ARHGEF3: variants seen among roughly 807,000 people sequenced by gnomAD.
ARHGEF3 encodes Rho guanine nucleotide exchange factor 3, also known as 59.8 kDA protein.
In ARHGEF3, 28 loss-of-function variants were observed where a neutral mutation model predicts 63.2. That is an observed-to-expected ratio of 0.44 (90% CI 0.33 to 0.61). The LOEUF is 0.61. Among genes scored for constraint, ARHGEF3 ranks in the 20% least tolerant of loss-of-function variants. ARHGEF3 has a pLI of 0.03. For synonymous variants in ARHGEF3, 266 were observed against 254.2 expected (o/e 1.05, Z -0.44); for missense variants, 533 against 659.3 (o/e 0.81, Z 2.10).
At chr3:56,903,185 G>A (rs1021796749) in intron 3 of ARHGEF3, among the ~76,000 whole-genome samples, 3 of 152,140 alleles carry the variant, frequency 2.0e-5, no homozygotes, top group Admixed American at 1.3e-4. Context: ...GGTACAGAAT[G>A]GAGGTAGGGG....
At chr3:56,921,382 A>G (rs771031846) in intron 3 of ARHGEF3, among the ~76,000 whole-genome samples, 1 of 152,212 alleles carries the variant, frequency 6.6e-6, no homozygotes, top group Non-Finnish European at 1.5e-5. Flanking sequence ...AGGTAAGACT[A>G]AGGAAAAACA....
chr3:56,882,442 A>G (rs1422410778), intron 3 of ARHGEF3: 6 of 1,042,224 alleles, frequency 5.8e-6, no homozygotes, highest in Non-Finnish European at 7.3e-6. Flanking sequence ...CAAATAGCAC[A>G]TGCAATCCTT....
intron 2 of ARHGEF3, among the ~76,000 whole-genome samples, chr3:56,983,769 C>T (rs904265106): frequency 6.6e-6 from 1 of 152,068 alleles, no homozygotes; most frequent in Non-Finnish European, 1.5e-5. Context: ...AACCCTGTCT[C>T]TACTAAAAAT....
intron 1 of ARHGEF3, chr3:57,073,952 A>G: frequency 6.2e-7 from 1 of 1,614,204 alleles, no homozygotes; most frequent in South Asian, 1.1e-5. Context: ...AGAGATATTT[A>G]CAAGCAGCCA....
chr3:56,793,472 T>C (rs1306740833), intron 1 of ARHGEF3, among the ~76,000 whole-genome samples: 1 of 152,138 alleles, frequency 6.6e-6, no homozygotes, highest in Non-Finnish European at 1.5e-5. Context: ...CCCAGCAATT[T>C]TTGTATTTTT....
At chr3:57,079,044 G>A (rs1325756206) in intron 1 of ARHGEF3, 3 of 340,890 alleles carry the variant, frequency 8.8e-6, no homozygotes, top group African/African-American at 6.5e-5. Context: ...GGGACGCCGA[G>A]ACCTAGCAGG....
chr3:57,036,877 C>A (rs1421989351), intron 1 of ARHGEF3, among the ~76,000 whole-genome samples: 2 of 152,190 alleles, frequency 1.3e-5, no homozygotes, highest in Non-Finnish European at 2.9e-5. Flanking sequence ...CAGCCTCCTC[C>A]ATCTGCCCTA....
At chr3:56,778,709 A>G (rs1416632047) in intron 1 of ARHGEF3, among the ~76,000 whole-genome samples, 1 of 151,908 alleles carries the variant, frequency 6.6e-6, no homozygotes, top group Non-Finnish European at 1.5e-5. Flanking sequence ...AAATTTTAAA[A>G]ATTTTTTTAG....
At chr3:56,915,073 A>C (rs1909834) in intron 3 of ARHGEF3, among the ~76,000 whole-genome samples, 43,211 of 152,026 alleles carry the variant, frequency 0.28, 6,834 homozygotes, top group Non-Finnish European at 0.36. Context: ...CATACACAAG[A>C]GCTGGAATTA....
chr3:57,063,838 G>T (rs1040818912), intron 1 of ARHGEF3, among the ~76,000 whole-genome samples: 3 of 152,150 alleles, frequency 2.0e-5, no homozygotes, highest in Non-Finnish European at 4.4e-5. Context: ...GAAATGAGGG[G>T]CTCAAAAGAG....
chr3:56,748,177 G>C (rs1278485626), intron 6 of ARHGEF3, among the ~76,000 whole-genome samples: 1 of 152,164 alleles, frequency 6.6e-6, no homozygotes, highest in African/African-American at 2.4e-5. Context: ...TAGGGCTACA[G>C]GCATGCACCA....
chr3:56,732,174 C>T (rs755598597), intron 9 of ARHGEF3, 64 bp downstream of exon 9: 1 of 1,584,772 alleles, frequency 6.3e-7, no homozygotes, highest in Non-Finnish European at 8.6e-7. Context: ...CACCAGCTGC[C>T]CACTCCCTCC....
chr3:56,921,012 AC>A (rs778571039), intron 3 of ARHGEF3, among the ~76,000 whole-genome samples: 13 of 130,572 alleles, frequency 1.0e-4, no homozygotes, highest in Non-Finnish European at 2.0e-4. Context: ...CCGAGATTGC[AC>A]CACTGCACTC....
At chr3:57,060,131 A>C (rs1344578522) in intron 1 of ARHGEF3, among the ~76,000 whole-genome samples, 1 of 152,096 alleles carries the variant, frequency 6.6e-6, no homozygotes, top group African/African-American at 2.4e-5. Flanking sequence ...AGCTGACTGG[A>C]CAACATAGCG....
rs369844399 is a variant in ARHGEF3 at position 56,955,498 on chromosome 3, C to T, written c.129+3325G>A. 1.6e-3 allele frequency among the ~76,000 whole-genome samples: 247 copies of T among 152,294 alleles called. 1 individual carries two copies. The highest frequency in any genetic ancestry group is 6.8e-3 in the Middle Eastern group (2 of 294). On this transcript the variant is annotated intron_variant, in intron 3 of 12. Coordinates refer to the ARHGEF3 transcript ENST00000338458. ...GATTACAGGCATGAGCCACTGCGCC[C>T]GGCCTGGATCCCTTTTCTTTGCAAG...
At chr3:56,820,611 T>C (rs1432886005) in intron 4 of ARHGEF3, among the ~76,000 whole-genome samples, 1 of 152,106 alleles carries the variant, frequency 6.6e-6, no homozygotes, top group African/African-American at 2.4e-5. Flanking sequence ...GAGACCAGCC[T>C]GGGCAACATA....
chr3:56,766,456 C>A (rs2035707827), intron 2 of ARHGEF3, among the ~76,000 whole-genome samples: 1 of 152,158 alleles, frequency 6.6e-6, no homozygotes, highest in Admixed American at 6.5e-5. Context: ...TGGGCAGGGC[C>A]CCATCACTGG....
intron 3 of ARHGEF3, among the ~76,000 whole-genome samples, chr3:56,935,200 G>A (rs534576807): frequency 9.8e-5 from 15 of 152,308 alleles, no homozygotes; most frequent in African/African-American, 3.6e-4. Context: ...TCGACACTCT[G>A]TATCTAGCTA....
intron 2 of ARHGEF3, among the ~76,000 whole-genome samples, chr3:57,009,307 C>G (rs1470615140): frequency 6.6e-6 from 1 of 152,192 alleles, no homozygotes; most frequent in Non-Finnish European, 1.5e-5. Context: ...GATCCACCAA[C>G]TTGGGGCCTA....
Sources: gnomAD v4.1 joint callset for allele counts (sites outside exome capture counted in the v4.1 genomes callset) on GRCh38, gnomAD v4.1.1 for gene constraint, MANE v1.5 for transcripts, NCBI Gene and HGNC (gene_info 2026-07-23, HGNC 2026-07-21) for gene names.